Variants in NRF1 observed in about 807,000 individuals in gnomAD.
NRF1 encodes nuclear respiratory factor 1.
Under a neutral mutation model 58.5 loss-of-function variants are expected in NRF1, and 5 were observed. That is an observed-to-expected ratio of 0.09 (90% CI 0.04 to 0.18). NRF1 has a LOEUF of 0.18. Ranked by LOEUF, NRF1 falls within the 10% of genes least tolerant of loss-of-function variation. The pLI is 1.00. For synonymous variants in NRF1, 224 were observed against 246.7 expected (o/e 0.91, Z 0.86); for missense variants, 288 against 657.7 (o/e 0.44, Z 6.15).
chr7:129,744,149 T>TTTTG (rs1803914416), intron 10 of NRF1: 1 of 1,502,344 alleles, frequency 6.7e-7, no homozygotes, highest in Non-Finnish European at 8.9e-7. Context: ...TTTTTTTTTT[T>TTTTG]TAACAGTTCT....
intron 2 of NRF1, among the ~76,000 whole-genome samples, chr7:129,660,992 C>T (rs1292828127): frequency 6.6e-6 from 1 of 151,360 alleles, no homozygotes; most frequent in Non-Finnish European, 1.5e-5. Flanking sequence ...CCTCTGAAAT[C>T]CAGGCATAGG....
At chr7:129,726,195 T>C (rs766070258) in intron 9 of NRF1, among the ~76,000 whole-genome samples, 5 of 152,230 alleles carry the variant, frequency 3.3e-5, no homozygotes, top group Non-Finnish European at 5.9e-5. Flanking sequence ...TGGAATTCGA[T>C]AGTCCCTCAG....
At chr7:129,687,044 T>C (rs1379461252) in intron 4 of NRF1, among the ~76,000 whole-genome samples, 1 of 152,238 alleles carries the variant, frequency 6.6e-6, no homozygotes, top group African/African-American at 2.4e-5. Context: ...CATTTTTGTA[T>C]ACATATATAA....
At chr7:129,718,646 T>C (rs1803245541) in intron 9 of NRF1, among the ~76,000 whole-genome samples, 1 of 152,200 alleles carries the variant, frequency 6.6e-6, no homozygotes, top group African/African-American at 2.4e-5. Flanking sequence ...GTGAACGTTG[T>C]AGAAATTCAG....
intron 9 of NRF1, 54 bp from the exon 10 acceptor site, chr7:129,727,187 G>A: frequency 6.6e-7 from 1 of 1,504,412 alleles, no homozygotes; most frequent in South Asian, 1.4e-5. Flanking sequence ...GTTTGTCTTG[G>A]CTGCAGTGCT....
At chr7:129,654,988 A>C (rs1801618709) in intron 1 of NRF1, among the ~76,000 whole-genome samples, 1 of 152,228 alleles carries the variant, frequency 6.6e-6, no homozygotes, top group African/African-American at 2.4e-5. Context: ...GGTATCCACA[A>C]AATAACTTGC....
intron 1 of NRF1, among the ~76,000 whole-genome samples, chr7:129,626,193 A>G (rs1800915941): frequency 6.6e-6 from 1 of 152,208 alleles, no homozygotes; most frequent in East Asian, 1.9e-4. Context: ...GAAAATTCAT[A>G]TTAAATACTT....
intron 1 of NRF1, among the ~76,000 whole-genome samples, chr7:129,634,497 A>G (rs1027573606): frequency 3.3e-5 from 5 of 152,280 alleles, no homozygotes; most frequent in Middle Eastern, 3.4e-3. Flanking sequence ...TAATGGCTTG[A>G]TAACTTTTCA....
At chr7:129,634,061 T>TATACAC (rs764569771) in intron 1 of NRF1, among the ~76,000 whole-genome samples, 7 of 131,462 alleles carry the variant, frequency 5.3e-5, no homozygotes, top group Non-Finnish European at 7.9e-5. Flanking sequence ...TATATATATA[T>TATACAC]ACACACACAC....
chr7:129,704,698 C>A (rs1385167217), intron 5 of NRF1, among the ~76,000 whole-genome samples: 2 of 152,160 alleles, frequency 1.3e-5, no homozygotes, highest in African/African-American at 4.8e-5. Context: ...ACCTTATGCA[C>A]TATAGCCTGG....
intron 1 of NRF1, among the ~76,000 whole-genome samples, chr7:129,618,014 T>C (rs1800692019): frequency 6.6e-6 from 1 of 152,148 alleles, no homozygotes; most frequent in South Asian, 2.1e-4. Flanking sequence ...TTAGGGACCA[T>C]AAGAGGTTTG....
At chr7:129,692,769 C>A (rs1316854489) in intron 5 of NRF1, among the ~76,000 whole-genome samples, 2 of 152,170 alleles carry the variant, frequency 1.3e-5, no homozygotes, top group Admixed American at 6.5e-5. Flanking sequence ...CTGTAGCCCT[C>A]TTTTCCTCAA....
At chr7:129,633,518 G>GA (rs1801096656) in intron 1 of NRF1, 1 of 152,140 alleles carries the variant, frequency 6.6e-6, no homozygotes, top group African/African-American at 2.4e-5. Context: ...GAGGGAGCAG[G>GA]AAAAGCATGA....
intron 1 of NRF1, among the ~76,000 whole-genome samples, chr7:129,616,915 A>C (rs1268711131): frequency 6.6e-6 from 1 of 152,186 alleles, no homozygotes; most frequent in Non-Finnish European, 1.5e-5. Flanking sequence ...CTAGTTTTGT[A>C]GGTTGGGATG....
chr7:129,649,553 T>C (rs572319212), intron 1 of NRF1, among the ~76,000 whole-genome samples: 125 of 152,290 alleles, frequency 8.2e-4, no homozygotes, highest in Non-Finnish European at 1.4e-3. Context: ...CCCTTGGACA[T>C]TTCCTTCAAA....
chr7:129,705,388 T>C (rs1010549878), intron 5 of NRF1, among the ~76,000 whole-genome samples: 2 of 152,164 alleles, frequency 1.3e-5, no homozygotes, highest in Non-Finnish European at 2.9e-5. Flanking sequence ...CCTCCCGGGA[T>C]TAAGCGATTC....
chr7:129,633,786 T>G (rs1801102047), intron 1 of NRF1: 1 of 87,292 alleles, frequency 1.1e-5, no homozygotes, highest in East Asian at 3.9e-4. Context: ...TAACTATAAG[T>G]GATGTGTGTG....
At chr7:129,703,353 G>C (rs796984583) in intron 5 of NRF1, among the ~76,000 whole-genome samples, 11 of 152,244 alleles carry the variant, frequency 7.2e-5, no homozygotes, top group African/African-American at 2.6e-4. Flanking sequence ...TTGTCTCCCT[G>C]TGTATTAAAG....
chr7:129,714,696 T>C (rs1803148098), intron 8 of NRF1, among the ~76,000 whole-genome samples: 1 of 152,188 alleles, frequency 6.6e-6, no homozygotes, highest in African/African-American at 2.4e-5. Flanking sequence ...CCACTGCCCA[T>C]GAGAACTCAG....
Sources: gnomAD v4.1 joint callset for allele counts (sites outside exome capture counted in the v4.1 genomes callset) on GRCh38, gnomAD v4.1.1 for gene constraint, MANE v1.5 for transcripts, NCBI Gene and HGNC (gene_info 2026-07-23, HGNC 2026-07-21) for gene names.